The following PLXNB3 variants were observed in gnomAD, a reference collection of about 807,000 sequenced individuals.
PLXNB3 encodes plexin-B3.
Under a neutral mutation model 125.7 loss-of-function variants are expected in PLXNB3, and 80 were observed. The ratio of observed to expected loss-of-function variants is 0.64; its 90% CI spans 0.53 to 0.77. The LOEUF is 0.77. Among genes scored for constraint, PLXNB3 ranks in the 30% least tolerant of loss-of-function variants. The pLI is 0.00. For missense variants in PLXNB3, 1,836 were observed against 1,729.3 expected, an observed-to-expected ratio of 1.06 and a Z score of -1.09; for synonymous variants, 954 against 783.3, an observed-to-expected ratio of 1.22 and a Z score of -3.64.
At position 153,771,585 on chromosome X, in the gene PLXNB3, C is replaced by A; in HGVS notation, c.2447C>A (p.Ala816Asp). 2 of 1,208,534 alleles carry A rather than the reference C, an allele frequency of 1.7e-6. No individual in the cohort carries two copies. The highest frequency in any genetic ancestry group is 2.2e-6 in the Non-Finnish European group (2 of 894,559). The change falls in exon 14 of 36, where the codon GCC becomes GAC. Residue 816 changes from alanine to aspartate, a missense_variant. Coordinates refer to ENST00000361971, the MANE Select transcript of PLXNB3 (RefSeq NM_005393.3). ...CTGTGGTGTGCTGACGGCCAGCCTG[C>A]CTGTCGCTATGGGCCCTTGTGCCCG... is the stretch of plus-strand genomic sequence containing the variant. Reference protein sequence around the residue: ...GCLWCADGQPACRYGPLCPPG... With the variant: ...GCLWCADGQPDCRYGPLCPPG...
chrX:153,768,823 C>T, intron 4 of PLXNB3, 125 bp from the exon 5 acceptor site: 1 of 800,814 alleles, frequency 1.2e-6, no homozygotes, highest in Middle Eastern at 3.1e-4. Flanking sequence ...ATGTGTCCTC[C>T]CTCGATGGCC....
At position 153,773,938 on chromosome X, in the gene PLXNB3, A is replaced by C; in HGVS notation, c.3359A>C (p.Gln1120Pro). 1 of 1,210,979 alleles carries C rather than the reference A, an allele frequency of 8.3e-7. No homozygotes were observed. The highest frequency in any genetic ancestry group is 1.1e-6 in the Non-Finnish European group (1 of 895,310). ...GCTGTACCAGACAGAGCCCACCCGC[A>C]GCGGGTCTTCTTCACCCTAGACAAC... Reference protein sequence around the residue: ...SPAVPDRAHPQRVFFTLDNVQ... With the variant: ...SPAVPDRAHPPRVFFTLDNVQ... The change falls in exon 20 of 36, where the codon CAG becomes CCG. Residue 1120 changes from glutamine to proline, a missense_variant. Transcript: ENST00000361971.
chrX:153,768,872 C>T, intron 4 of PLXNB3, 76 bp from the exon 5 acceptor site: 1 of 1,116,177 alleles, frequency 9.0e-7, no homozygotes, highest in Non-Finnish European at 1.2e-6. Flanking sequence ...GGAGCCCCCA[C>T]TAGGAGGAGG....
rs781989334 is a variant in PLXNB3 at position 153,776,985 on chromosome X, G to A, written c.4927+5G>A. 2 of 1,152,612 alleles carry A rather than the reference G, an allele frequency of 1.7e-6. No homozygotes were observed. Among genetic ancestry groups the A allele is most frequent in the Non-Finnish European group, 1.2e-6 (1 of 850,885 alleles). The allele number at this position is 1,152,612 out of a possible 1,213,427, so 95.0% of individuals were successfully genotyped here. A position where few individuals can be genotyped will look rare whatever the true frequency, so the allele number is the denominator to read the frequency against. ...AGAGGTGCCCCTTGGGAGAGAGTGA[G>A]TCCCTCGGCCCTGACCTGGGGCCAC... On this transcript the variant is annotated splice_donor_5th_base_variant and intron_variant, in intron 29 of 35. Coordinates refer to ENST00000361971, the MANE Select transcript of PLXNB3 (RefSeq NM_005393.3).
chrX:153,766,658 G>T lies in PLXNB3; in HGVS notation c.46-215G>T, dbSNP rs1412651525. 1.1e-4 allele frequency: 83 copies of T among 751,861 alleles called. 1 individual carries two copies. Among genetic ancestry groups the T allele is most frequent in the Non-Finnish European group, 1.3e-4 (82 of 637,597 alleles). The allele number at this position is 751,861 out of a possible 1,213,427, so 62.0% of individuals were successfully genotyped here. A position where few individuals can be genotyped will look rare whatever the true frequency, so the allele number is the denominator to read the frequency against. ...GCACCCCTCCCTGCCTCTTGCTCCA[G>T]CTCTTGGACACTGTCTTTGTCCCTC... On this transcript the variant is annotated intron_variant, in intron 2 of 35. Transcript: ENST00000361971.
At chrX:153,772,804 C>A in intron 16 of PLXNB3, 82 bp from the exon 17 acceptor site, 1 of 1,042,775 alleles carries the variant, frequency 9.6e-7, no homozygotes, top group Non-Finnish European at 1.2e-6. Context: ...CGCTTCAGAA[C>A]CGGAGGGCCT....
intron 3 of PLXNB3, 146 bp from the exon 4 acceptor site, chrX:153,768,103 A>G: frequency 1.3e-6 from 1 of 798,071 alleles, no homozygotes; most frequent in Non-Finnish European, 1.8e-6. Context: ...TGAGCTTGCC[A>G]GGTGCCCTGG....
chrX:153,766,683 CCTT>C (rs1156879738), intron 2 of PLXNB3, 187 bp from the exon 3 acceptor site: 3 of 738,350 alleles, frequency 4.1e-6, no homozygotes, highest in African/African-American at 4.7e-5. Flanking sequence ...CTTTGTCCCT[CCTT>C]ATGTCCCCCT....
intron 2 of PLXNB3, chrX:153,766,192 C>T (rs2091855181): frequency 1.7e-6 from 2 of 1,144,732 alleles, no homozygotes; most frequent in African/African-American, 3.6e-5. Context: ...GCTTCCTCGC[C>T]CTGGAGCTGG....
chrX:153,766,559 C>T (rs1557059263), intron 2 of PLXNB3: 3 of 1,045,698 alleles, frequency 2.9e-6, no homozygotes, highest in Admixed American at 4.6e-5. Context: ...GACCTGCCCC[C>T]CTTCAACAAT....
chrX:153,772,102 G>A, intron 15 of PLXNB3, 80 bp from the exon 16 acceptor site: 2 of 1,143,929 alleles, frequency 1.7e-6, no homozygotes, highest in Non-Finnish European at 2.4e-6. Context: ...CAAGAAACCT[G>A]GGGCACTCGG....
In PLXNB3 at chrX:153,773,564, C is replaced by G. The variant is rs2091956210; in HGVS notation, c.3130C>G (p.Gln1044Glu). 8.3e-7 allele frequency: 1 copy of G among 1,204,128 alleles called. No homozygotes were observed. The highest frequency in any genetic ancestry group is 2.2e-5 in the Admixed American group (1 of 45,446). The change falls in exon 19 of 36, where the codon CAG (glutamine) becomes GAG (glutamate). Residue 1044 changes from glutamine to glutamate, a missense_variant. By Grantham distance (29) the Gln-to-Glu change is conservative. Transcript: ENST00000361971. The part of the protein sequence containing the change: ...RVRGTGLDVV[Q>E]RPLLSVWLEA... ...CAGGGGCACCGGCCTAGACGTGGTG[C>G]AGCGGCCCCTACTGTCTGTGTGGCT... is the stretch of plus-strand genomic sequence containing the variant.
chrX:153,770,140 T>C lies in PLXNB3; in HGVS notation c.1678T>C (p.Phe560Leu), dbSNP rs782394886. 1 of 1,211,427 alleles carries C rather than the reference T, an allele frequency of 8.3e-7. No homozygotes were observed. Among genetic ancestry groups the C allele is most frequent in the Non-Finnish European group, 1.1e-6 (1 of 895,414 alleles). The change falls in exon 8 of 36, where the codon TTC (phenylalanine) becomes CTC (leucine). Residue 560 changes from phenylalanine (F) to leucine (L), a missense_variant. Coordinates refer to ENST00000361971, the MANE Select transcript of PLXNB3 (RefSeq NM_005393.3). The stretch of plus-strand genomic sequence containing the variant: ...GCCCATCCTGGATGCAGATGAATAC[T>C]TCCATTGTGCGTTCGGGGACTATGA... ...RLPILDADEY[F>L]HCAFGDYDSL...
chrX:153,771,596 G>A lies in PLXNB3; in HGVS notation c.2458G>A (p.Gly820Arg). 1 of 1,207,320 alleles carries A rather than the reference G, an allele frequency of 8.3e-7. No individual in the cohort carries two copies. The highest frequency in any genetic ancestry group is 1.1e-6 in the Non-Finnish European group (1 of 894,061). ...TGACGGCCAGCCTGCCTGTCGCTAT[G>A]GGCCCTTGTGCCCGCCGGGGGCTGT... ...CADGQPACRY[G>R]PLCPPGAVEL... is the part of the protein sequence containing the mutation. Residue 820 changes from glycine to arginine, a missense_variant, in exon 14 of 36, where the codon GGG becomes AGG. Gly to Arg is a moderately radical substitution (Grantham distance 125). Coordinates refer to ENST00000361971, the MANE Select transcript of PLXNB3 (RefSeq NM_005393.3).
rs782456983 is a variant in PLXNB3, at chrX:153,770,904, G to T, written c.2136+21G>T. On this transcript the variant is annotated intron_variant, in intron 11 of 35. Coordinates refer to ENST00000361971, the MANE Select transcript of PLXNB3 (RefSeq NM_005393.3). ...TCCGAGTGAGCCATCAGGAGGGAAG[G>T]GGACAGGGCAGTGAGGTCTGCCAAC... The T allele has an allele frequency of 6.7e-6, 8 of 1,202,741 alleles. No individual in the cohort carries two copies. In the South Asian group the frequency reaches 1.2e-4, roughly 19 times the overall value.
At position 153,771,882 on chromosome X, in the gene PLXNB3, C is replaced by G; in HGVS notation, c.2536C>G (p.Pro846Ala). 1 of 1,208,818 alleles carries G rather than the reference C, an allele frequency of 8.3e-7. No individual in the cohort carries two copies. The highest frequency in any genetic ancestry group is 1.1e-6 in the Non-Finnish European group (1 of 894,845). ...GCTGCAGGTCGAGCCCCTGACCGGT[C>G]CCCCTGAGGGAGGCTTGGCCCTCAC... ...SIDAVEPLTG[P>A]PEGGLALTIL... The change falls in exon 15 of 36, where the codon CCC becomes GCC. Residue 846 changes from proline to alanine, a missense_variant. By Grantham distance (27) the Pro-to-Ala change is conservative. Coordinates refer to ENST00000361971, the MANE Select transcript of PLXNB3 (RefSeq NM_005393.3).
intron 27 of PLXNB3, 35 bp downstream of exon 27, chrX:153,776,249 A>T: frequency 1.2e-6 from 1 of 824,618 alleles, no homozygotes; most frequent in Non-Finnish European, 1.6e-6. Flanking sequence ...CACCCCAGGG[A>T]CCCTTCCCTA....
intron 28 of PLXNB3, 73 bp from the exon 29 acceptor site, chrX:153,776,814 G>C (rs1470984204): frequency 8.9e-6 from 6 of 671,657 alleles, no homozygotes; most frequent in Non-Finnish European, 1.3e-5. Flanking sequence ...GGAAGGGCGA[G>C]GCAGGGCAGG....
rs781928448 is a variant in PLXNB3, at chrX:153,778,145, G to A, written c.5409+50G>A. The A allele has an allele frequency of 8.3e-6, 10 of 1,207,281 alleles. No individual in the cohort carries two copies. In the South Asian group the frequency reaches 1.4e-4, roughly 17 times the overall value. The stretch of plus-strand genomic sequence containing the variant: ...GCTGGCAGGGGCTTGAGGAGGAAAG[G>A]CTTATGGGGGAAGCCTAGAGGGCTG... On this transcript the variant is annotated intron_variant, in intron 32 of 35. Transcript: ENST00000361971.
Sources: allele counts gnomAD v4.1 joint callset, GRCh38; gene constraint gnomAD v4.1.1; transcripts MANE v1.5; gene names NCBI Gene and HGNC (gene_info 2026-07-23, HGNC 2026-07-21).